BMPR1A: variants seen among roughly 807,000 people sequenced by gnomAD.
BMPR1A encodes the protein bone morphogenetic protein receptor type-1A.
BMPR1A carries 7 observed loss-of-function variants against 66.0 expected under a neutral mutation model. That is an observed-to-expected ratio of 0.11 (90% CI 0.06 to 0.20). The LOEUF is 0.20. Ranked by LOEUF, BMPR1A falls within the 10% of genes least tolerant of loss-of-function variation. The pLI, the probability that BMPR1A is intolerant of heterozygous loss-of-function variation, is 1.00. For synonymous variants in BMPR1A, 200 were observed against 229.7 expected, an observed-to-expected ratio of 0.87 and a Z score of 1.17; for missense variants, 408 against 669.1, an observed-to-expected ratio of 0.61 and a Z score of 4.31.
chr10:86,899,055 C>CAT (rs1843268998), intron 5 of BMPR1A, among the ~76,000 whole-genome samples: 1 of 152,132 alleles, frequency 6.6e-6, no homozygotes, highest in African/African-American at 2.4e-5. Flanking sequence ...CCTTAATTTC[C>CAT]GCTTACATTC....
In BMPR1A at chr10:86,888,453, G is replaced by A. The variant is rs544706347; in HGVS notation, c.68-1609G>A. Among the ~76,000 whole-genome samples, 5 of 152,226 alleles carry A rather than the reference G, an allele frequency of 3.3e-5. No individual in the cohort carries two copies. The South Asian group carries it at 8.3e-4, about 25-fold the overall frequency. On this transcript the variant is annotated intron_variant, in intron 3 of 12. Transcript: ENST00000372037. ...AGTGCACTCCAGCTTGGGTGACAGAGTGAGACTCTATCTCAAATAAAAATG... is the reference window on the plus strand; with the variant it reads ...AGTGCACTCCAGCTTGGGTGACAGAATGAGACTCTATCTCAAATAAAAATG...
chr10:86,797,471 T>TTA (rs1420160198), intron 1 of BMPR1A, among the ~76,000 whole-genome samples: 1 of 151,938 alleles, frequency 6.6e-6, no homozygotes, highest in Non-Finnish European at 1.5e-5. Context: ...GGCCTCGTGA[T>TTA]TCGCCCACTT....
chr10:86,923,331 G>T lies in BMPR1A; in HGVS notation c.1343-45G>T, dbSNP rs781280256. 6.7e-5 allele frequency: 108 copies of T among 1,612,408 alleles called. No individual in the cohort carries two copies. The highest frequency in any genetic ancestry group is 8.6e-5 in the Non-Finnish European group (102 of 1,179,334). On this transcript the variant is annotated intron_variant, in intron 11 of 12. Transcript: ENST00000372037. ...GATGCTTACTAGATTGGTATATCTTGTCCAGCAACCATTTTTGTGCCCATG... is the reference window on the plus strand; with the variant it reads ...GATGCTTACTAGATTGGTATATCTTTTCCAGCAACCATTTTTGTGCCCATG...
intron 1 of BMPR1A, among the ~76,000 whole-genome samples, chr10:86,824,936 A>G (rs1371596765): frequency 6.6e-6 from 1 of 152,204 alleles, no homozygotes; most frequent in Non-Finnish European, 1.5e-5. Context: ...CCTGAAAAAT[A>G]TTGTAAATAT....
At chr10:86,857,038 A>G (rs1236048601) in intron 2 of BMPR1A, among the ~76,000 whole-genome samples, 1 of 152,196 alleles carries the variant, frequency 6.6e-6, no homozygotes, top group Non-Finnish European at 1.5e-5. Context: ...TTGACACATC[A>G]GTATGCTCAC....
At chr10:86,780,919 T>C (rs1841427519) in intron 1 of BMPR1A, among the ~76,000 whole-genome samples, 1 of 152,118 alleles carries the variant, frequency 6.6e-6, no homozygotes, top group Non-Finnish European at 1.5e-5. Flanking sequence ...CTCACCACGT[T>C]GCCCAGGCTG....
At chr10:86,770,328 C>A (rs1010898928) in intron 1 of BMPR1A, among the ~76,000 whole-genome samples, 2 of 152,118 alleles carry the variant, frequency 1.3e-5, no homozygotes, top group African/African-American at 4.8e-5. Flanking sequence ...AGGAGGACTG[C>A]CTGAGCCCAG....
At chr10:86,860,702 G>A (rs571362625) in intron 2 of BMPR1A, among the ~76,000 whole-genome samples, 12 of 151,160 alleles carry the variant, frequency 7.9e-5, no homozygotes, top group African/African-American at 2.4e-4. Context: ...CCTGGGAGGC[G>A]GAGGTTGCAG....
intron 11 of BMPR1A, among the ~76,000 whole-genome samples, chr10:86,922,620 C>T (rs916482722): frequency 6.6e-6 from 1 of 152,260 alleles, no homozygotes; most frequent in Non-Finnish European, 1.5e-5. Context: ...TCCCAGAATC[C>T]TGTCCCAGCG....
At chr10:86,912,145 G>C in intron 7 of BMPR1A, 95 bp from the exon 8 acceptor site, 1 of 1,339,058 alleles carries the variant, frequency 7.5e-7, no homozygotes, top group Non-Finnish European at 1.0e-6. Flanking sequence ...GATTCTTTCT[G>C]AGGGAAGGAT....
At chr10:86,891,371 T>C (rs758017190) in intron 4 of BMPR1A, among the ~76,000 whole-genome samples, 10 of 152,234 alleles carry the variant, frequency 6.6e-5, no homozygotes, top group Admixed American at 3.9e-4. Flanking sequence ...AACAGAATTC[T>C]GCCCCACACT....
chr10:86,903,430 G>A lies in BMPR1A; in HGVS notation c.530+3304G>A, dbSNP rs116968245. On this transcript the variant is annotated intron_variant, in intron 7 of 12. Coordinates refer to ENST00000372037, the MANE Select transcript of BMPR1A (RefSeq NM_004329.3). ...TAGATGAAATTAGTGACAGACTGTA[G>A]AAGAAAAGATGAGTGAACATGAAGA... Among the ~76,000 whole-genome samples, 798 of 152,010 alleles carry A rather than the reference G, an allele frequency of 5.2e-3. 4 individuals are homozygous for A. Among genetic ancestry groups the A allele is most frequent in the Non-Finnish European group, 7.7e-3 (526 of 67,996 alleles).
chr10:86,778,579 T>G (rs1289320149), intron 1 of BMPR1A, among the ~76,000 whole-genome samples: 1 of 152,172 alleles, frequency 6.6e-6, no homozygotes, highest in African/African-American at 2.4e-5. Flanking sequence ...TCTTAAACAT[T>G]TATAATTTCT....
rs11353145 is a variant in BMPR1A, at chr10:86,888,826, C to CAA, written c.68-1218_68-1217dup. On this transcript the variant is annotated intron_variant, in intron 3 of 12. Transcript: ENST00000372037. ...TGGGCAATAGCGTGAGACCATGTCT[C>CAA]AAAAAAAAAAAAAAAAAAAGTGAAA... 7.0e-3 allele frequency among the ~76,000 whole-genome samples: 601 copies of CAA among 85,430 alleles called. 12 individuals are homozygous for CAA. Among genetic ancestry groups the CAA allele is most frequent in the African/African-American group, 0.019 (530 of 27,946 alleles). 56.0% of individuals were successfully genotyped at this position (85,430 alleles called of 152,430 possible).
chr10:86,783,335 T>C (rs939899044), intron 1 of BMPR1A, among the ~76,000 whole-genome samples: 1 of 152,194 alleles, frequency 6.6e-6, no homozygotes, highest in African/African-American at 2.4e-5. Flanking sequence ...TTGGGGTCCT[T>C]TGAGATTACT....
chr10:86,932,592 A>G (rs1843821791), downstream of BMPR1A: 1 of 152,170 alleles, frequency 6.6e-6, no homozygotes, highest in African/African-American at 2.4e-5. Context: ...TCCCTACTGC[A>G]TTCATCCACG....
chr10:86,822,849 C>T (rs1242755382), intron 1 of BMPR1A, among the ~76,000 whole-genome samples: 1 of 151,768 alleles, frequency 6.6e-6, no homozygotes, highest in Non-Finnish European at 1.5e-5. Context: ...AGGCTGGTCT[C>T]GAACTCCTGA....
At position 86,899,816 on chromosome 10, in the gene BMPR1A, G is replaced by T; in HGVS notation, c.356G>T (p.Arg119Leu). Residue 119 changes from arginine (R) to leucine (L), a missense_variant, in exon 6 of 13, where the codon CGC (arginine) becomes CTC (leucine). Physicochemically the swap from Arg to Leu is moderately radical, Grantham distance 102 (BLOSUM62 -2). Around this residue, in one of 5 missense-constraint regions of BMPR1A, gnomAD observed 174 missense variants for 265.1 expected, o/e 0.66. Coordinates refer to ENST00000372037, the MANE Select transcript of BMPR1A (RefSeq NM_004329.3). The part of the protein sequence containing the change: ...QCKDSPKAQL[R>L]RTIECCRTNL... ...TAGGATTCTCCAAAAGCCCAGCTACGCCGGACAATAGAATGTTGTCGGACC... is the reference window on the plus strand; with the variant it reads ...TAGGATTCTCCAAAAGCCCAGCTACTCCGGACAATAGAATGTTGTCGGACC... 1 of 1,613,984 alleles carries T rather than the reference G, an allele frequency of 6.2e-7. No individual in the cohort carries two copies. The highest frequency in any genetic ancestry group is 8.5e-7 in the Non-Finnish European group (1 of 1,179,950).
chr10:86,906,758 A>T lies in BMPR1A; in HGVS notation c.531-5482A>T, dbSNP rs200146094. ...AAAAAAAAAAAAAAAAAAAAAAAAA[A>T]AAAACACTTTGTCCTTTTATCTGTC... On this transcript the variant is annotated intron_variant, in intron 7 of 12. Coordinates refer to ENST00000372037, the MANE Select transcript of BMPR1A (RefSeq NM_004329.3). 1.1e-4 allele frequency among the ~76,000 whole-genome samples: 4 copies of T among 34,894 alleles called. 2 individuals are homozygous for T. The highest frequency in any genetic ancestry group is 8.8e-4 in the African/African-American group (2 of 2,280). 22.9% of individuals were successfully genotyped at this position (34,894 alleles called of 152,430 possible).
Sources: gnomAD v4.1 joint callset for allele counts (sites outside exome capture counted in the v4.1 genomes callset) on GRCh38, gnomAD v4.1.1 for gene constraint, gnomAD v4.1.1 regional missense constraint, MANE v1.5 for transcripts, NCBI Gene and HGNC (gene_info 2026-07-23, HGNC 2026-07-21) for gene names.